The following RSPO2 variants were observed in gnomAD, a reference collection of about 807,000 sequenced individuals.
RSPO2 encodes R-spondin-2.
RSPO2 carries 14 observed loss-of-function variants against 30.9 expected under a neutral mutation model. That is an observed-to-expected ratio of 0.45 (90% CI 0.30 to 0.71). The LOEUF is 0.71. RSPO2 is among the 30% of genes least tolerant of loss of function. The pLI is 0.08. For synonymous variants in RSPO2, 107 were observed against 96.4 expected (o/e 1.11, Z -0.64); for missense variants, 264 against 301.9 (o/e 0.87, Z 0.93).
At chr8:107,980,364 A>G (rs1177192372) in intron 3 of RSPO2, among the ~76,000 whole-genome samples, 2 of 152,180 alleles carry the variant, frequency 1.3e-5, no homozygotes, top group African/African-American at 4.8e-5. Flanking sequence ...TATCAGATAA[A>G]TACCTACTAA....
intron 5 of RSPO2, among the ~76,000 whole-genome samples, chr8:107,924,578 C>A (rs1383177254): frequency 1.3e-5 from 2 of 151,850 alleles, no homozygotes; most frequent in Non-Finnish European, 2.9e-5. Context: ...AGGTGAGGAA[C>A]CTTGTTCTAC....
chr8:107,984,892 TTTCTTG>T (rs1814572376), intron 3 of RSPO2, among the ~76,000 whole-genome samples: 1 of 152,208 alleles, frequency 6.6e-6, no homozygotes, highest in African/African-American at 2.4e-5. Context: ...ACTAACATTC[TTTCTTG>T]ACATCAGTGG....
intron 3 of RSPO2, among the ~76,000 whole-genome samples, chr8:107,963,522 CAAA>C (rs61697128): frequency 1.9e-4 from 6 of 32,018 alleles, no homozygotes; most frequent in African/African-American, 4.6e-4. Flanking sequence ...AGACCTGTCT[CAAA>C]AAAAAAAAAA....
chr8:108,008,306 T>C (rs1167794106), intron 2 of RSPO2, among the ~76,000 whole-genome samples: 2 of 152,306 alleles, frequency 1.3e-5, no homozygotes, highest in South Asian at 4.1e-4. Flanking sequence ...TTGATAATCA[T>C]TAACCAGAGC....
At chr8:108,012,377 A>T (rs772135672) in intron 2 of RSPO2, among the ~76,000 whole-genome samples, 1 of 152,198 alleles carries the variant, frequency 6.6e-6, no homozygotes, top group Non-Finnish European at 1.5e-5. Context: ...GCTTTTGAAC[A>T]AGATTCTCAG....
intron 2 of RSPO2, among the ~76,000 whole-genome samples, chr8:108,056,983 G>A (rs1157238043): frequency 7.2e-6 from 1 of 139,698 alleles, no homozygotes; most frequent in African/African-American, 2.7e-5. Flanking sequence ...CTTGAACCTG[G>A]GAGGTGGAGG....
intron 2 of RSPO2, among the ~76,000 whole-genome samples, chr8:107,996,496 A>C (rs1274635805): frequency 6.6e-6 from 1 of 152,186 alleles, no homozygotes; most frequent in Non-Finnish European, 1.5e-5. Context: ...CAATTACCCA[A>C]GGAAATATCC....
intron 2 of RSPO2, among the ~76,000 whole-genome samples, chr8:108,060,702 C>T (rs12675327): frequency 0.21 from 32,407 of 151,376 alleles, 3,812 homozygotes; most frequent in East Asian, 0.43. Flanking sequence ...AGATACCCCT[C>T]GAGGAGAGCA....
At chr8:107,927,485 G>A (rs1233011257) in intron 5 of RSPO2, among the ~76,000 whole-genome samples, 2 of 152,148 alleles carry the variant, frequency 1.3e-5, no homozygotes, top group African/African-American at 4.8e-5. Context: ...AGTTTTCAAA[G>A]GGAATGCTTC....
Position 107,989,119 on chromosome 8 carries a change from A to T in RSPO2, c.220T>A (p.Cys74Ser). The T allele has an allele frequency of 6.2e-7, 1 of 1,611,164 alleles. No individual in the cohort carries two copies. The highest frequency in any genetic ancestry group is 1.1e-5 in the South Asian group (1 of 90,554). Reference sequence around the variant, plus strand: ...TACCCGGATGGGCAGGAATGCAGGCACTCTCCATACTGGCGCATCCCTTCT... The same window carrying T: ...TACCCGGATGGGCAGGAATGCAGGCTCTCTCCATACTGGCGCATCCCTTCT... The part of the protein sequence containing the change: ...RREGMRQYGE[C>S]LHSCPSGYYG... The change falls in exon 3 of 6, where the codon TGC (cysteine) becomes AGC (serine). Residue 74 changes from cysteine (C) to serine (S), a missense_variant. Cys to Ser is a moderately radical substitution (Grantham distance 112, BLOSUM62 -1). Coordinates refer to ENST00000276659, the MANE Select transcript of RSPO2 (RefSeq NM_178565.5).
intron 2 of RSPO2, among the ~76,000 whole-genome samples, chr8:108,007,675 T>C (rs1408880767): frequency 6.6e-6 from 1 of 152,168 alleles, no homozygotes; most frequent in Non-Finnish European, 1.5e-5. Context: ...TTAAAAACTC[T>C]TCATTTTTAT....
intron 2 of RSPO2, among the ~76,000 whole-genome samples, chr8:108,011,134 G>GAAAAAAAAAAAAAAAAAAAAAAAAAAAAA (rs66722934): frequency 1.0e-5 from 1 of 100,458 alleles, no homozygotes; most frequent in Non-Finnish European, 1.9e-5. Flanking sequence ...CTCCGTCCCA[G>GAAAAAAAAAAAAAAAAAAAAAAAAAAAAA]AAAAAAAAAA....
chr8:107,924,350 A>C (rs983300830), intron 5 of RSPO2, among the ~76,000 whole-genome samples: 13 of 152,118 alleles, frequency 8.5e-5, no homozygotes, highest in Non-Finnish European at 1.6e-4. Flanking sequence ...GTTAAACATA[A>C]GGTGGAACTT....
In RSPO2 at chr8:108,029,921, G is replaced by T. The variant is rs192742279; in HGVS notation, c.95-40677C>A. ...GGGATCAAAGATAAAGATAGTCCTT[G>T]TCCTTGTAAAGTTCAGAATCTAGTG... On this transcript the variant is annotated intron_variant, in intron 2 of 5. Coordinates refer to ENST00000276659, the MANE Select transcript of RSPO2 (RefSeq NM_178565.5). Among the ~76,000 whole-genome samples the T allele has an allele frequency of 2.6e-5, 4 of 152,166 alleles. No individual in the cohort carries two copies. The East Asian group carries it at 5.8e-4, about 22-fold the overall frequency.
At chr8:107,968,784 T>C (rs1209555395) in intron 3 of RSPO2, among the ~76,000 whole-genome samples, 1 of 151,996 alleles carries the variant, frequency 6.6e-6, no homozygotes, top group Non-Finnish European at 1.5e-5. Flanking sequence ...AGATGGTGAA[T>C]GGAAGGAAGC....
Position 107,900,050 on chromosome 8 carries a change from ATGTT to A in RSPO2, c.*1021_*1024del, listed in dbSNP as rs1169004218. 6.6e-6 allele frequency: 1 copy of A among 152,336 alleles called. No individual in the cohort carries two copies. Among genetic ancestry groups the A allele is most frequent in the South Asian group, 2.1e-4 (1 of 4,828 alleles). The allele number at this position is 152,336 out of a possible 1,614,324, so 9.4% of individuals were successfully genotyped here. ...GGGAAAAAAATTGCAGTCAGAAATA[ATGTT>A]TGTTTGGACAATTCTGTAGCTGGCC... On this transcript the variant is annotated 3_prime_UTR_variant, in exon 6 of 6. Transcript: ENST00000276659.
chr8:107,989,192 G>A lies in RSPO2; in HGVS notation c.147C>T (p.Asp49=), dbSNP rs773030368. The change falls in exon 3 of 6, where the codon GAC becomes GAT. Residue 49 remains aspartate, a synonymous_variant. Transcript: ENST00000276659. ...ICKGCLSCSK[D]NGCSRCQQKL... is the part of the protein sequence containing the mutation. ...TCTGTTGACATCGGCTACACCCATT[G>A]TCCTTTGAACAAGACAAACAACCCT... is the stretch of plus-strand genomic sequence containing the variant. The A allele has an allele frequency of 9.3e-6, 15 of 1,606,142 alleles. No individual in the cohort carries two copies. In the South Asian group the frequency reaches 1.6e-4, roughly 17 times the overall value.
intron 3 of RSPO2, among the ~76,000 whole-genome samples, chr8:107,971,179 G>T (rs1250633134): frequency 1.3e-5 from 2 of 152,124 alleles, no homozygotes; most frequent in Non-Finnish European, 2.9e-5. Context: ...TGCCTAACTT[G>T]GGCCTATGTT....
At chr8:107,902,842 T>G (rs1811522155) in intron 5 of RSPO2, among the ~76,000 whole-genome samples, 2 of 152,086 alleles carry the variant, frequency 1.3e-5, no homozygotes, top group African/African-American at 4.8e-5. Context: ...AACATGATCA[T>G]GCCCCCATAT....
Sources: allele counts gnomAD v4.1 joint callset (sites outside exome capture counted in the v4.1 genomes callset), GRCh38; gene constraint gnomAD v4.1.1; transcripts MANE v1.5; gene names NCBI Gene and HGNC (gene_info 2026-07-23, HGNC 2026-07-21).